IL1RAP: variants seen among roughly 807,000 people sequenced by gnomAD.
IL1RAP encodes interleukin-1 receptor accessory protein.
IL1RAP carries 35 observed loss-of-function variants against 60.7 expected under a neutral mutation model. The ratio of observed to expected loss-of-function variants is 0.58; its 90% CI spans 0.44 to 0.76. IL1RAP has a LOEUF of 0.76. Ranked by LOEUF, IL1RAP falls within the 30% of genes least tolerant of loss-of-function variation. The pLI, the probability that IL1RAP is intolerant of heterozygous loss-of-function variation, is 0.00. For synonymous variants in IL1RAP, 268 were observed against 250.9 expected (o/e 1.07, Z -0.64); for missense variants, 572 against 693.9 (o/e 0.82, Z 1.97).
chr3:190,650,206 G>A lies in IL1RAP; in HGVS notation c.*1501G>A. The A allele has an allele frequency of 4.1e-6, 4 of 984,256 alleles. No homozygotes were observed. The highest frequency in any genetic ancestry group is 4.8e-6 in the Non-Finnish European group (4 of 828,944). 61.0% of individuals were successfully genotyped at this position (984,256 alleles called of 1,614,324 possible). On this transcript the variant is annotated 3_prime_UTR_variant, in exon 12 of 12. Transcript: ENST00000447382. ...GAATGTTTTTGTGTCAGTGTTTTCT[G>A]TACATATTATTTGTTAATTCACAGC...
At chr3:190,626,854 G>A (rs966678973) in intron 7 of IL1RAP, among the ~76,000 whole-genome samples, 8 of 151,954 alleles carry the variant, frequency 5.3e-5, no homozygotes, top group Non-Finnish European at 4.4e-5. Flanking sequence ...ATTTTTAGTA[G>A]AGACGGGGTT....
intron 3 of IL1RAP, among the ~76,000 whole-genome samples, chr3:190,583,316 G>A (rs747245819): frequency 2.9e-4 from 44 of 152,298 alleles, no homozygotes; most frequent in Non-Finnish European, 5.0e-4. Flanking sequence ...TGAATGAAAG[G>A]ATATAATAAA....
rs933767693 is a variant in IL1RAP, at chr3:190,564,462, T to C, written c.64+109T>C. 7.8e-6 allele frequency: 6 copies of C among 766,560 alleles called. No homozygotes were observed. In the African/African-American group the frequency reaches 1.0e-4, roughly 13 times the overall value. 47.5% of individuals were successfully genotyped at this position (766,560 alleles called of 1,614,324 possible). On this transcript the variant is annotated intron_variant, in intron 3 of 11. Coordinates refer to ENST00000447382, the MANE Select transcript of IL1RAP (RefSeq NM_002182.4). ...ATAAACATAATGTTATTCATGTCCATTGTCTTCTGCGGTAGCAAATAATCA... is the reference window on the plus strand; with the variant it reads ...ATAAACATAATGTTATTCATGTCCACTGTCTTCTGCGGTAGCAAATAATCA...
Position 190,650,470 on chromosome 3 carries a change from A to G in IL1RAP, c.*1765A>G. On this transcript the variant is annotated 3_prime_UTR_variant, in exon 12 of 12. Coordinates refer to ENST00000447382, the MANE Select transcript of IL1RAP (RefSeq NM_002182.4). ...TCAACTATTTGAACTGTTGAGTGATAAAGGAAACAAATATAACTGTAAATG... is the reference window on the plus strand; with the variant it reads ...TCAACTATTTGAACTGTTGAGTGATGAAGGAAACAAATATAACTGTAAATG... 1 of 983,218 alleles carries G rather than the reference A, an allele frequency of 1.0e-6. No homozygotes were observed. The highest frequency in any genetic ancestry group is 4.7e-5 in the South Asian group (1 of 21,244). 60.9% of individuals were successfully genotyped at this position (983,218 alleles called of 1,614,324 possible).
At chr3:190,612,489 T>G (rs988144781) in intron 5 of IL1RAP, among the ~76,000 whole-genome samples, 4 of 152,212 alleles carry the variant, frequency 2.6e-5, no homozygotes, top group South Asian at 2.1e-4. Context: ...GTACCACCTT[T>G]ATTAATTGTT....
chr3:190,536,613 G>T (rs967290089), intron 1 of IL1RAP, among the ~76,000 whole-genome samples: 1 of 152,102 alleles, frequency 6.6e-6, no homozygotes, highest in African/African-American at 2.4e-5. Flanking sequence ...TAATCAAAAT[G>T]CCATCCATAG....
At chr3:190,616,503 G>A (rs1443546628) in intron 5 of IL1RAP, among the ~76,000 whole-genome samples, 3 of 151,870 alleles carry the variant, frequency 2.0e-5, no homozygotes, top group African/African-American at 4.8e-5. Context: ...TATTTGTTGT[G>A]TAATCATTGC....
intron 3 of IL1RAP, among the ~76,000 whole-genome samples, chr3:190,588,754 T>C (rs1418084301): frequency 6.6e-6 from 1 of 152,176 alleles, no homozygotes; most frequent in Non-Finnish European, 1.5e-5. Flanking sequence ...TTTAGAGAAG[T>C]TGGTTTGTAG....
chr3:190,658,662 A>G (rs1035026167), exon 12 of IL1RAP: 1 of 152,232 alleles, frequency 6.6e-6, no homozygotes, highest in African/African-American at 2.4e-5. Flanking sequence ...TTGTGGCCCA[A>G]TGAGTGTCAG....
intron 9 of IL1RAP, chr3:190,630,057 G>A (rs1336377768): frequency 5.1e-6 from 4 of 791,374 alleles, no homozygotes; most frequent in Admixed American, 6.3e-5. Flanking sequence ...ACTAATTAAG[G>A]TATTGAATGT....
intron 3 of IL1RAP, among the ~76,000 whole-genome samples, chr3:190,593,961 T>C (rs1237611215): frequency 6.6e-6 from 1 of 152,184 alleles, no homozygotes. Context: ...AAAAAGAATA[T>C]AAGTCAAAGA....
chr3:190,574,791 C>T (rs978754258), intron 3 of IL1RAP, among the ~76,000 whole-genome samples: 17 of 152,164 alleles, frequency 1.1e-4, no homozygotes, highest in East Asian at 3.8e-4. Flanking sequence ...TTCTCGGAAA[C>T]GATCACTTTT....
Position 190,625,014 on chromosome 3 carries a change from T to C in IL1RAP, c.775+1599T>C, listed in dbSNP as rs574397092. ...GGGGTCCTCGTGTGCTCGCGGTGCA[T>C]TTTTGCAGCTGGCGACTTGAACTGG... On this transcript the variant is annotated intron_variant, in intron 7 of 11. Transcript: ENST00000447382. The C allele has an allele frequency of 2.0e-4, 31 of 158,364 alleles. No individual in the cohort carries two copies. In the South Asian group the frequency reaches 5.4e-3, roughly 28 times the overall value. 9.8% of individuals were successfully genotyped at this position (158,364 alleles called of 1,614,324 possible).
chr3:190,613,115 A>G (rs1205041085), intron 5 of IL1RAP, among the ~76,000 whole-genome samples: 1 of 152,198 alleles, frequency 6.6e-6, no homozygotes, highest in Non-Finnish European at 1.5e-5. Flanking sequence ...AGGAGAAAAT[A>G]CTGTTGGTTT....
chr3:190,631,474 C>T (rs1732783069), intron 9 of IL1RAP, among the ~76,000 whole-genome samples: 1 of 152,180 alleles, frequency 6.6e-6, no homozygotes, highest in Non-Finnish European at 1.5e-5. Flanking sequence ...TATAAAATCA[C>T]TGTTTGGTCA....
chr3:190,521,457 AT>A (rs79210560), intron 1 of IL1RAP, among the ~76,000 whole-genome samples: 2,448 of 141,456 alleles, frequency 0.017, 30 homozygotes, highest in African/African-American at 0.034. Context: ...AGATTATGTC[AT>A]TTTTTTTTTT....
At chr3:190,584,487 T>G (rs1682780725) in intron 3 of IL1RAP, among the ~76,000 whole-genome samples, 1 of 152,256 alleles carries the variant, frequency 6.6e-6, no homozygotes, top group Non-Finnish European at 1.5e-5. Context: ...CCGTCTTCAA[T>G]GAATGAGAGT....
intron 1 of IL1RAP, among the ~76,000 whole-genome samples, chr3:190,535,718 C>T (rs1208712208): frequency 1.3e-5 from 2 of 152,164 alleles, no homozygotes; most frequent in Non-Finnish European, 2.9e-5. Context: ...GCCACAAACA[C>T]GGTGGCATAA....
intron 3 of IL1RAP, among the ~76,000 whole-genome samples, chr3:190,575,207 T>G (rs149844699): frequency 6.6e-6 from 1 of 152,318 alleles, no homozygotes; most frequent in Non-Finnish European, 1.5e-5. Context: ...ACCTGTTATG[T>G]GCAGACCTTT....
Sources: allele counts gnomAD v4.1 joint callset (sites outside exome capture counted in the v4.1 genomes callset), GRCh38; gene constraint gnomAD v4.1.1; transcripts MANE v1.5; gene names NCBI Gene and HGNC (gene_info 2026-07-23, HGNC 2026-07-21).